The following COL6A3 variants were observed in gnomAD, a reference collection of about 807,000 sequenced individuals.
COL6A3 encodes the protein collagen type VI alpha 3 chain.
COL6A3 carries 137 observed loss-of-function variants against 274.1 expected under a neutral mutation model. The ratio of observed to expected loss-of-function variants is 0.50; its 90% confidence interval spans 0.44 to 0.58. COL6A3 has a LOEUF of 0.58. Among genes scored for constraint, COL6A3 ranks in the 20% least tolerant of loss-of-function variants. The pLI, the probability that COL6A3 is intolerant of heterozygous loss-of-function variation, is 0.00. For synonymous variants in COL6A3, 1,650 were observed against 1,650.6 expected (o/e 1.00, Z 0.01); for missense variants, 3,950 against 4,124.9 (o/e 0.96, Z 1.16).
rs755506699 is a variant in COL6A3, at chr2:237,364,551, C to G, written c.5839-123G>C. ...TTTTACACTTAAGGAAACTGAGGGC[C>G]CAAGTTGAGGAATGATTACCCATGT... On this transcript the variant is annotated intron_variant, in intron 12 of 43. Transcript: ENST00000295550. This position sits in a 1 kb window ranked among gnomAD's most constrained non-coding sequence, Gnocchi z 4.6. The G allele has an allele frequency of 2.6e-6, 2 of 769,428 alleles. No homozygotes were observed. The highest frequency in any genetic ancestry group is 4.6e-6 in the Non-Finnish European group (2 of 438,832). The allele number at this position is 769,428 out of a possible 1,614,324, so 47.7% of individuals were successfully genotyped here.
rs768905903 is a variant in COL6A3, at chr2:237,378,736, C to T, written c.2397G>A (p.Met799Ile). 2 of 1,614,116 alleles carry T rather than the reference C, an allele frequency of 1.2e-6. No individual in the cohort carries two copies. Among genetic ancestry groups the T allele is most frequent in the East Asian group, 4.5e-5 (2 of 44,888 alleles). Residue 799 changes from methionine (M) to isoleucine (I), a missense_variant, in exon 6 of 44, where the codon ATG (methionine) becomes ATA (isoleucine). Coordinates refer to ENST00000295550, the MANE Select transcript of COL6A3 (RefSeq NM_004369.4). The stretch of plus-strand genomic sequence containing the variant: ...AAGCTGGCAGGGAGCTGAAATCATC[C>T]ATGAGATACACCAGGCTTGGGTTAA... ...IAFNPSLVYL[M>I]DDFSSLPALP...
chr2:237,338,601 GA>G (rs911055664), intron 39 of COL6A3, among the ~76,000 whole-genome samples: 1 of 150,364 alleles, frequency 6.7e-6, no homozygotes, highest in African/African-American at 2.4e-5. Flanking sequence ...CATCTCTACT[GA>G]AAAAAAAATA....
In COL6A3 at chr2:237,378,750, G is replaced by C; in HGVS notation, c.2383C>G (p.Leu795Val). Residue 795 changes from leucine (L) to valine (V), a missense_variant, in exon 6 of 44, where the codon CTG becomes GTG. This residue lies in a region of COL6A3 where 1,934 missense variants were observed against 1,984.3 expected (regional missense o/e 0.97). Transcript: ENST00000295550. Reference sequence around the variant, plus strand: ...CTGAAATCATCCATGAGATACACCAGGCTTGGGTTAAAAGCAATCTGCTCA... The same window carrying C: ...CTGAAATCATCCATGAGATACACCACGCTTGGGTTAAAAGCAATCTGCTCA... ...ELEQIAFNPSLVYLMDDFSSL... is the reference protein window; with the variant it reads ...ELEQIAFNPSVVYLMDDFSSL... The C allele has an allele frequency of 6.2e-7, 1 of 1,614,204 alleles. No homozygotes were observed. Among genetic ancestry groups the C allele is most frequent in the East Asian group, 2.2e-5 (1 of 44,886 alleles).
At chr2:237,348,894 C>T (rs948997269) in intron 28 of COL6A3, among the ~76,000 whole-genome samples, 8 of 152,106 alleles carry the variant, frequency 5.3e-5, no homozygotes, top group South Asian at 2.1e-4. Context: ...ATGGCACTGG[C>T]GGACTAACAT....
At position 237,341,037 on chromosome 2, in the gene COL6A3, C is replaced by T. The variant is rs776220123; in HGVS notation, c.7879G>A (p.Ala2627Thr). 48 of 1,614,048 alleles carry T rather than the reference C, an allele frequency of 3.0e-5. No individual in the cohort carries two copies. In the Admixed American group the frequency reaches 6.8e-4, roughly 23 times the overall value. ...DIDMAFILDS[A>T]ETTTLFQFNE... ...AACTGGAACAGGGTGGTGGTCTCAG[C>T]GCTGTCTAAGATGAAAGCCATGTCG... Residue 2627 changes from alanine to threonine, a missense_variant, in exon 38 of 44, where the codon GCT becomes ACT. Physicochemically the swap from Ala to Thr is moderately conservative, Grantham distance 58. This residue lies in a region of COL6A3 where 1,284 missense variants were observed against 1,349.7 expected (regional missense o/e 0.95). Coordinates refer to ENST00000295550, the MANE Select transcript of COL6A3 (RefSeq NM_004369.4).
chr2:237,346,190 T>C (rs996478218), intron 32 of COL6A3, among the ~76,000 whole-genome samples: 3 of 152,172 alleles, frequency 2.0e-5, no homozygotes, highest in African/African-American at 7.2e-5. Flanking sequence ...CAAAAGGTAT[T>C]TAGATTTCCC....
chr2:237,356,132 A>G (rs2077311773), intron 23 of COL6A3, among the ~76,000 whole-genome samples: 1 of 152,228 alleles, frequency 6.6e-6, no homozygotes, highest in Non-Finnish European at 1.5e-5. Context: ...ATTCAAATCC[A>G]GTTTCTACCT....
chr2:237,374,456 T>A lies in COL6A3; in HGVS notation c.3635A>T (p.Glu1212Val), dbSNP rs764623843. ...SERVTQLTRE[E>V]LSRLQPVLQP... is the part of the protein sequence containing the mutation. ...CAACACCGGCTGCAGCCTGCTCAGCTCCTCGCGGGTGAGCTGGGTCACCCT... is the reference window on the plus strand; with the variant it reads ...CAACACCGGCTGCAGCCTGCTCAGCACCTCGCGGGTGAGCTGGGTCACCCT... Residue 1212 changes from glutamate to valine, a missense_variant, in exon 8 of 44, where the codon GAG becomes GTG. Glu to Val is a moderately radical substitution (Grantham distance 121). This residue lies in a region of COL6A3 where 1,934 missense variants were observed against 1,984.3 expected (regional missense o/e 0.97). Transcript: ENST00000295550. This position sits in a 1 kb window ranked among gnomAD's most constrained non-coding sequence, Gnocchi z 4.8. 3 of 1,613,602 alleles carry A rather than the reference T, an allele frequency of 1.9e-6. No individual in the cohort carries two copies. The highest frequency in any genetic ancestry group is 1.3e-5 in the African/African-American group (1 of 74,916).
chr2:237,373,132 A>G (rs2077736869), intron 8 of COL6A3, among the ~76,000 whole-genome samples: 1 of 152,040 alleles, frequency 6.6e-6, no homozygotes, highest in South Asian at 2.1e-4. Flanking sequence ...GAGAAGGGGG[A>G]AAGAGGGAGG....
intron 10 of COL6A3, 76 bp from the exon 11 acceptor site, chr2:237,367,362 T>G: frequency 6.7e-7 from 1 of 1,500,028 alleles, no homozygotes; most frequent in Non-Finnish European, 9.0e-7. Flanking sequence ...AAGGTAAAAT[T>G]AAATAACTGA....
In COL6A3 at chr2:237,393,228, G is replaced by T. The variant is rs375551413; in HGVS notation, c.709+1359C>A. ...GGAGTGCCTGAGATATCTGCAGAAAGGCAGGGATCCACACTAATGGAGACA... is the reference window on the plus strand; with the variant it reads ...GGAGTGCCTGAGATATCTGCAGAAATGCAGGGATCCACACTAATGGAGACA... On this transcript the variant is annotated intron_variant, in intron 3 of 43. Transcript: ENST00000295550. 5.3e-5 allele frequency among the ~76,000 whole-genome samples: 8 copies of T among 152,086 alleles called. No homozygotes were observed. In the East Asian group the frequency reaches 9.7e-4, roughly 18 times the overall value.
In COL6A3 at chr2:237,407,662, C is replaced by T. The variant is rs747438478; in HGVS notation, c.-31+6291G>A. Among the ~76,000 whole-genome samples the T allele has an allele frequency of 1.1e-4, 16 of 152,356 alleles. No homozygotes were observed. Among genetic ancestry groups the T allele is most frequent in the Middle Eastern group, 3.4e-3 (1 of 294 alleles). ...GATATTTGAAAAAATTACTTTAAAA[C>T]ATATTCCTAGCATTGCAGATAATAA... On this transcript the variant is annotated intron_variant, in intron 1 of 43. Transcript: ENST00000295550. This position sits in a 1 kb window ranked among gnomAD's most constrained non-coding sequence, Gnocchi z 4.3.
intron 4 of COL6A3, among the ~76,000 whole-genome samples, chr2:237,382,226 T>C (rs934139631): frequency 1.3e-5 from 2 of 151,548 alleles, no homozygotes; most frequent in Non-Finnish European, 1.5e-5. Flanking sequence ...CTACTAAAAA[T>C]ACAAAAATTA....
At chr2:237,325,834 G>A (rs1448476246) in intron 42 of COL6A3, 110 bp from the exon 43 acceptor site, 8 of 915,622 alleles carry the variant, frequency 8.7e-6, no homozygotes, top group Non-Finnish European at 1.3e-5. Flanking sequence ...GGAAAAAAAA[G>A]AAGAGCTTCC....
chr2:237,401,630 A>G (rs940263329), intron 1 of COL6A3, among the ~76,000 whole-genome samples: 2 of 152,102 alleles, frequency 1.3e-5, no homozygotes, highest in African/African-American at 2.4e-5. Context: ...TAAATTCATT[A>G]ACTGCTATTC....
chr2:237,365,977 C>T lies in COL6A3; in HGVS notation c.5559G>A (p.Val1853=). 1 of 1,613,986 alleles carries T rather than the reference C, an allele frequency of 6.2e-7. No individual in the cohort carries two copies. The highest frequency in any genetic ancestry group is 1.3e-5 in the African/African-American group (1 of 75,032). The change falls in exon 12 of 44, where the codon GTG becomes GTA. Residue 1853 remains valine, a synonymous_variant. Transcript: ENST00000295550. ...FDGSRDQNVF[V]AQKGFESKVD... ...CCTTGGACTCGAAGCCCTTCTGGGCCACAAAAACATTCTGGTCTCTAGAAC... is the reference window on the plus strand; with the variant it reads ...CCTTGGACTCGAAGCCCTTCTGGGCTACAAAAACATTCTGGTCTCTAGAAC...
At chr2:237,401,921 G>A (rs1401545188) in intron 1 of COL6A3, among the ~76,000 whole-genome samples, 2 of 152,096 alleles carry the variant, frequency 1.3e-5, no homozygotes, top group Non-Finnish European at 2.9e-5. Flanking sequence ...CTGGGCTCAA[G>A]AGATCCTTCC....
At chr2:237,363,149 C>T (rs1157130797) in intron 14 of COL6A3, 104 bp downstream of exon 14, 56 of 1,159,046 alleles carry the variant, frequency 4.8e-5, no homozygotes, top group Non-Finnish European at 3.4e-5. Flanking sequence ...CAAGGCCCCC[C>T]CCCCACCTCC....
chr2:237,365,904 T>G lies in COL6A3; in HGVS notation c.5632A>C (p.Ser1878Arg), dbSNP rs759503358. 7 of 1,614,020 alleles carry G rather than the reference T, an allele frequency of 4.3e-6. No individual in the cohort carries two copies. In the African/African-American group the frequency reaches 9.3e-5, roughly 22 times the overall value. Residue 1878 changes from serine to arginine, a missense_variant, in exon 12 of 44, where the codon AGC becomes CGC. By Grantham distance (110) the Ser-to-Arg change is moderately radical. Transcript: ENST00000295550. The part of the protein sequence containing the change: ...RISQMHRVSC[S>R]GGRSPTVRVS... Reference sequence around the variant, plus strand: ...CGCACGGTGGGCGAGCGGCCACCGCTGCAGCTGACCCTGTGCATCTGGCTG... The same window carrying G: ...CGCACGGTGGGCGAGCGGCCACCGCGGCAGCTGACCCTGTGCATCTGGCTG...
Sources: allele counts gnomAD v4.1 joint callset (sites outside exome capture counted in the v4.1 genomes callset), GRCh38; gene constraint gnomAD v4.1.1; regional missense constraint gnomAD v4.1.1; non-coding constraint Gnocchi (gnomAD v3.1); transcripts MANE v1.5; gene names NCBI Gene and HGNC (gene_info 2026-07-23, HGNC 2026-07-21).